Variants in DDX49 observed in about 807,000 individuals in gnomAD.
The protein encoded by DDX49 is probable ATP-dependent RNA helicase DDX49.
In DDX49, 50 loss-of-function variants were observed where a neutral mutation model predicts 56.3. The observed-to-expected ratio is 0.89, with a 90% confidence interval of 0.71 to 1.12. DDX49 has a LOEUF of 1.12. DDX49 is among the 50% of genes most tolerant of loss of function. The pLI, the probability that DDX49 is intolerant of heterozygous loss-of-function variation, is 0.00. For synonymous variants in DDX49, 269 were observed against 270.6 expected, an observed-to-expected ratio of 0.99 and a Z score of 0.06; for missense variants, 614 against 650.5, an observed-to-expected ratio of 0.94 and a Z score of 0.61.
At chr19:18,924,168 G>T in intron 6 of DDX49, 65 bp from the exon 7 acceptor site, 1 of 1,530,494 alleles carries the variant, frequency 6.5e-7, no homozygotes, top group Non-Finnish European at 9.0e-7. Flanking sequence ...GGGGCGGGTG[G>T]GGGCAGGAAC....
intron 2 of DDX49, among the ~76,000 whole-genome samples, chr19:18,921,255 T>C (rs907899361): frequency 7.2e-5 from 11 of 151,840 alleles, no homozygotes; most frequent in Admixed American, 1.3e-4. Context: ...GGGTTAGAAT[T>C]GATTCTGGGG....
rs1419805194 is a variant in DDX49 at position 18,925,115 on chromosome 19, T to C, written c.1027+136T>C. ...AGGGCCATGTTTGCAAGTTGGGGAGTTGTCCTTTCTAAAGCAAAGGTGAAT... is the reference window on the plus strand; with the variant it reads ...AGGGCCATGTTTGCAAGTTGGGGAGCTGTCCTTTCTAAAGCAAAGGTGAAT... On this transcript the variant is annotated intron_variant, in intron 9 of 12. Transcript: ENST00000247003. 4.1e-6 allele frequency: 5 copies of C among 1,218,540 alleles called. No homozygotes were observed. The South Asian group carries it at 4.7e-5, about 11-fold the overall frequency. The allele number at this position is 1,218,540 out of a possible 1,614,324, so 75.5% of individuals were successfully genotyped here. A position where few individuals can be genotyped will look rare whatever the true frequency, so the allele number is the denominator to read the frequency against.
In DDX49 at chr19:18,928,010, C is replaced by T. The variant is rs16995781; in HGVS notation, c.1237C>T (p.Arg413Trp). Residue 413 changes from arginine (R) to tryptophan (W), a missense_variant, in exon 12 of 13, where the codon CGG (arginine) becomes TGG (tryptophan). Physicochemically the swap from Arg to Trp is moderately radical, Grantham distance 101. Coordinates refer to ENST00000247003, the MANE Select transcript of DDX49 (RefSeq NM_019070.5). ...TGACGAAAAGAAGGAGATCAACAAA[C>T]GGAAGCAGCTGATCCTGGAGGGGAA... The part of the protein sequence containing the change: ...HFDEKKEINK[R>W]KQLILEGKDP... 8.2e-4 allele frequency: 1,316 copies of T among 1,613,724 alleles called. 7 individuals carry two copies. The African/African-American group carries it at 0.016, about 19-fold the overall frequency.
Position 18,922,702 on chromosome 19 carries a change from A to G in DDX49, c.734A>G (p.Glu245Gly). The change falls in exon 6 of 13, where the codon GAG (glutamate) becomes GGG (glycine). Residue 245 changes from glutamate (E) to glycine (G), a missense_variant. Glu to Gly is a moderately conservative substitution (Grantham distance 98). Transcript: ENST00000247003. ...LVHLIQRFQD[E>G]HEDWSIIIFT... ...CACCTGATCCAGCGCTTCCAGGATGAGCACGAGGACTGGTCCATTATCATC... is the reference window on the plus strand; with the variant it reads ...CACCTGATCCAGCGCTTCCAGGATGGGCACGAGGACTGGTCCATTATCATC... 6.2e-7 allele frequency: 1 copy of G among 1,613,992 alleles called. No homozygotes were observed. Among genetic ancestry groups the G allele is most frequent in the Non-Finnish European group, 8.5e-7 (1 of 1,180,032 alleles).
chr19:18,926,178 TC>T, intron 9 of DDX49, 124 bp from the exon 10 acceptor site: 1 of 1,032,224 alleles, frequency 9.7e-7, no homozygotes, highest in Non-Finnish European at 1.4e-6. Context: ...GGCTGATCCC[TC>T]CCAAGCCCAA....
intron 2 of DDX49, among the ~76,000 whole-genome samples, chr19:18,921,296 G>A (rs2145097685): frequency 6.6e-6 from 1 of 152,300 alleles, no homozygotes; most frequent in South Asian, 2.1e-4. Flanking sequence ...ATGAGCCAGG[G>A]AGAGGCCAGG....
chr19:18,923,527 AAGAG>A (rs1199133257), intron 6 of DDX49, among the ~76,000 whole-genome samples: 2 of 152,098 alleles, frequency 1.3e-5, no homozygotes, highest in Admixed American at 6.6e-5. Context: ...CTCAGGGAAA[AAGAG>A]AGAAAAGTTT....
Position 18,926,364 on chromosome 19 carries a change from C to G in DDX49, c.1089C>G (p.Ile363Met). 3.8e-6 allele frequency: 5 copies of G among 1,315,324 alleles called. No individual in the cohort carries two copies. The highest frequency in any genetic ancestry group is 5.0e-6 in the Non-Finnish European group (5 of 1,004,998). The allele number at this position is 1,315,324 out of a possible 1,614,324, so 81.5% of individuals were successfully genotyped here. A position where few individuals can be genotyped will look rare whatever the true frequency, so the allele number is the denominator to read the frequency against. Residue 363 changes from isoleucine to methionine, a missense_variant, in exon 10 of 13, where the codon ATC becomes ATG. Transcript: ENST00000247003. Reference sequence around the variant, plus strand: ...ACGACATCCACCTGGTGCACGCCATCGAGGAGCAGATCAGTGAGTGGGGTT... The same window carrying G: ...ACGACATCCACCTGGTGCACGCCATGGAGGAGCAGATCAGTGAGTGGGGTT... ...TQYDIHLVHAIEEQIKKKLEE... is the reference protein window; with the variant it reads ...TQYDIHLVHAMEEQIKKKLEE...
chr19:18,925,849 C>T (rs1211639202), intron 9 of DDX49, among the ~76,000 whole-genome samples: 2 of 152,132 alleles, frequency 1.3e-5, no homozygotes, highest in Non-Finnish European at 2.9e-5. Flanking sequence ...GTCACTTCCA[C>T]TCCCTAGACC....
At chr19:18,926,166 TG>T in intron 9 of DDX49, 136 bp from the exon 10 acceptor site, 1 of 887,558 alleles carries the variant, frequency 1.1e-6, no homozygotes, top group Non-Finnish European at 1.7e-6. Flanking sequence ...CCAGACACTC[TG>T]GGCTGATCCC....
chr19:18,922,855 C>A, intron 6 of DDX49, 111 bp downstream of exon 6: 6 of 1,386,946 alleles, frequency 4.3e-6, no homozygotes, highest in Non-Finnish European at 5.9e-6. Flanking sequence ...CTCTGCTCAG[C>A]CTGGAGGTCA....
In DDX49 at chr19:18,924,943, A is replaced by C; in HGVS notation, c.991A>C (p.Ile331Leu). 2 of 1,612,680 alleles carry C rather than the reference A, an allele frequency of 1.2e-6. No individual in the cohort carries two copies. Among genetic ancestry groups the C allele is most frequent in the Non-Finnish European group, 1.7e-6 (2 of 1,179,972 alleles). ...CCACAACACCCCCGGGCTCCCCAAG[A>C]TCTACATCCACCGAGTCGGCCGGAC... ...INHNTPGLPKIYIHRVGRTAR... is the reference protein window; with the variant it reads ...INHNTPGLPKLYIHRVGRTAR... Residue 331 changes from isoleucine to leucine, a missense_variant, in exon 9 of 13, where the codon ATC becomes CTC. Coordinates refer to ENST00000247003, the MANE Select transcript of DDX49 (RefSeq NM_019070.5).
intron 1 of DDX49, among the ~76,000 whole-genome samples, chr19:18,920,181 G>A (rs1027510936): frequency 6.6e-6 from 1 of 152,200 alleles, no homozygotes; most frequent in African/African-American, 2.4e-5. Context: ...TAGAAGTTGA[G>A]GCTGTCAAAA....
chr19:18,924,348 AC>A (rs755567801), intron 7 of DDX49, 40 bp downstream of exon 7: 14 of 1,441,812 alleles, frequency 9.7e-6, no homozygotes, highest in African/African-American at 2.7e-5. Context: ...ACCCTGGGAT[AC>A]CTTCCCCGCC....
Position 18,927,949 on chromosome 19 carries a change from C to T in DDX49, c.1192-16C>T. ...CCCCGTGACCAGCATCTCCTTACCC[C>T]ACTTCCCTCCACCAGAAACTGGAGG... On this transcript the variant is annotated splice_polypyrimidine_tract_variant and intron_variant, in intron 11 of 12. Transcript: ENST00000247003. 6 of 1,613,986 alleles carry T rather than the reference C, an allele frequency of 3.7e-6. No homozygotes were observed. Among genetic ancestry groups the T allele is most frequent in the Non-Finnish European group, 5.1e-6 (6 of 1,179,986 alleles).
chr19:18,927,083 A>G (rs2056967092), intron 10 of DDX49, among the ~76,000 whole-genome samples: 1 of 149,324 alleles, frequency 6.7e-6, no homozygotes, highest in Non-Finnish European at 1.5e-5. Flanking sequence ...AAAAAAAAAA[A>G]AAAAAAAAAA....
At position 18,922,363 on chromosome 19, in the gene DDX49, G is replaced by T; in HGVS notation, c.485G>T (p.Cys162Phe). 1 of 1,611,816 alleles carries T rather than the reference G, an allele frequency of 6.2e-7. No homozygotes were observed. The change falls in exon 5 of 13, where the codon TGC (cysteine) becomes TTC (phenylalanine). Residue 162 changes from cysteine to phenylalanine, a missense_variant. Physicochemically the swap from Cys to Phe is radical, Grantham distance 205. Coordinates refer to ENST00000247003, the MANE Select transcript of DDX49 (RefSeq NM_019070.5). Reference protein sequence around the residue: ...DEADRLLEQGCTDFTVDLEAI... With the variant: ...DEADRLLEQGFTDFTVDLEAI... ...GCAGACCGGCTGCTGGAACAGGGCT[G>T]CACTGACTTCACCGTGGACCTGGAG...
Position 18,927,746 on chromosome 19 carries a change from C to G in DDX49, c.1103-20C>G. On this transcript the variant is annotated intron_variant, in intron 10 of 12. Coordinates refer to ENST00000247003, the MANE Select transcript of DDX49 (RefSeq NM_019070.5). ...CACGTCTCCTCCCCACCCCCACCCC[C>G]GGCTTTGCTGTCCCCACAGAGAAGA... The G allele has an allele frequency of 6.2e-7, 1 of 1,608,352 alleles. No individual in the cohort carries two copies. The highest frequency in any genetic ancestry group is 8.5e-7 in the Non-Finnish European group (1 of 1,175,134).
At chr19:18,926,175 C>T in intron 9 of DDX49, 128 bp from the exon 10 acceptor site, 1 of 963,068 alleles carries the variant, frequency 1.0e-6, no homozygotes, top group East Asian at 2.7e-5. Context: ...CTGGGCTGAT[C>T]CCTCCCAAGC....
Sources: allele counts gnomAD v4.1 joint callset (sites outside exome capture counted in the v4.1 genomes callset), GRCh38; gene constraint gnomAD v4.1.1; transcripts MANE v1.5; gene names NCBI Gene and HGNC (gene_info 2026-07-23, HGNC 2026-07-21).